Variants in AUTS2 observed in about 807,000 individuals in gnomAD.
The protein encoded by AUTS2 is activator of transcription and developmental regulator AUTS2.
AUTS2 carries 17 observed loss-of-function variants against 112.4 expected under a neutral mutation model. That is an observed-to-expected ratio of 0.15 (90% confidence interval 0.10 to 0.23). The LOEUF is 0.23. Ranked by LOEUF, AUTS2 falls within the 10% of genes least tolerant of loss-of-function variation. AUTS2 has a pLI of 1.00. For synonymous variants in AUTS2, 751 were observed against 702.7 expected (o/e 1.07, Z -1.09); for missense variants, 1,510 against 1,701.6 (o/e 0.89, Z 1.98).
At chr7:70,576,620 T>C (rs967483656) in intron 5 of AUTS2, among the ~76,000 whole-genome samples, 1 of 152,162 alleles carries the variant, frequency 6.6e-6, no homozygotes, top group Non-Finnish European at 1.5e-5. Context: ...AGGAAATGCC[T>C]TTCAAACTCA....
chr7:70,318,242 G>T (rs969644834), intron 4 of AUTS2, among the ~76,000 whole-genome samples: 5 of 152,072 alleles, frequency 3.3e-5, no homozygotes, highest in Non-Finnish European at 7.4e-5. Context: ...TAATTCATAG[G>T]TAGAGTGTAG....
At chr7:69,986,647 T>G (rs940713428) in intron 2 of AUTS2, among the ~76,000 whole-genome samples, 2 of 152,222 alleles carry the variant, frequency 1.3e-5, no homozygotes, top group African/African-American at 4.8e-5. Context: ...GAACTAAGTT[T>G]TCTGAGAGTA....
At chr7:69,871,517 T>G (rs1793495898) in intron 1 of AUTS2, among the ~76,000 whole-genome samples, 1 of 152,190 alleles carries the variant, frequency 6.6e-6, no homozygotes, top group Non-Finnish European at 1.5e-5. Context: ...GTAAGAGAGC[T>G]AACAACAATA....
At position 70,694,639 on chromosome 7, in the gene AUTS2, CG is replaced by C. The variant is rs893172772; in HGVS notation, c.691-3928del. 12 of 148,212 alleles carry C rather than the reference CG, an allele frequency of 8.1e-5. No homozygotes were observed. The highest frequency in any genetic ancestry group is 4.7e-4 in the Admixed American group (7 of 14,934). 9.2% of individuals were successfully genotyped at this position (148,212 alleles called of 1,614,324 possible). On this transcript the variant is annotated intron_variant, in intron 5 of 18. Coordinates refer to ENST00000342771, the MANE Select transcript of AUTS2 (RefSeq NM_015570.4). The surrounding 1 kb of genome is among the most constrained non-coding windows in gnomAD (Gnocchi z 4.1). The stretch of plus-strand genomic sequence containing the variant: ...TTCTCCGCCTCGCCCTCCCGCCGGC[CG>C]GCCCGGGACGCGCCTTGTTAGCCCC...
At chr7:69,888,540 G>GATATATAT (rs60804022) in intron 1 of AUTS2, among the ~76,000 whole-genome samples, 2,659 of 98,972 alleles carry the variant, frequency 0.027, 52 homozygotes, top group Admixed American at 0.032. Context: ...CAACATTGGG[G>GATATATAT]ATATATATAT....
intron 3 of AUTS2, chr7:70,119,898 G>A (rs1160222395): frequency 6.6e-6 from 1 of 152,122 alleles, no homozygotes; most frequent in African/African-American, 2.4e-5. Context: ...TAGAGTGCAA[G>A]ATGATTCATT....
intron 4 of AUTS2, among the ~76,000 whole-genome samples, chr7:70,156,775 C>T (rs895199258): frequency 1.3e-5 from 2 of 151,182 alleles, no homozygotes; most frequent in African/African-American, 4.9e-5. Context: ...CAAGGCCTGG[C>T]GTGGTGGCTC....
chr7:69,892,143 G>A (rs1794553641), intron 1 of AUTS2, among the ~76,000 whole-genome samples: 2 of 146,002 alleles, frequency 1.4e-5, no homozygotes, highest in South Asian at 4.5e-4. Context: ...TTAAAAAATT[G>A]GGTTGTTTCC....
intron 16 of AUTS2, chr7:70,785,389 G>C (rs937284563): frequency 2.0e-5 from 10 of 511,192 alleles, no homozygotes; most frequent in Non-Finnish European, 3.0e-5. Context: ...CCTCTAGGAA[G>C]CGGAAAGAAA....
intron 5 of AUTS2, among the ~76,000 whole-genome samples, chr7:70,472,462 T>G (rs1797428038): frequency 4.0e-5 from 6 of 151,876 alleles, no homozygotes; most frequent in Non-Finnish European, 8.8e-5. Context: ...CTCTACCCAG[T>G]TGCTGGGTAA....
At chr7:69,951,476 A>G (rs1797023955) in intron 2 of AUTS2, among the ~76,000 whole-genome samples, 1 of 152,158 alleles carries the variant, frequency 6.6e-6, no homozygotes, top group African/African-American at 2.4e-5. Context: ...ACCATGGAAA[A>G]CTGAGGGTGG....
intron 5 of AUTS2, among the ~76,000 whole-genome samples, chr7:70,601,059 T>C (rs2129529898): frequency 6.6e-6 from 1 of 152,346 alleles, no homozygotes; most frequent in African/African-American, 2.4e-5. Context: ...CTCAGTCATA[T>C]GTTAACTCTA....
At chr7:69,726,970 T>C (rs186984391) in intron 1 of AUTS2, among the ~76,000 whole-genome samples, 35 of 152,302 alleles carry the variant, frequency 2.3e-4, no homozygotes, top group African/African-American at 8.2e-4. Flanking sequence ...TTACTTGCCT[T>C]TTTAGTTCCT....
rs113411804 is a variant in AUTS2, at chr7:69,600,053, G to GCTGTCTGT, written c.309+118_309+125dup. The GCTGTCTGT allele has an allele frequency of 6.7e-3, 8,432 of 1,259,572 alleles. 106 individuals carry two copies. Among genetic ancestry groups the GCTGTCTGT allele is most frequent in the African/African-American group, 0.037 (2,387 of 64,516 alleles). The allele number at this position is 1,259,572 out of a possible 1,614,324, so 78.0% of individuals were successfully genotyped here. On this transcript the variant is annotated intron_variant, in intron 1 of 18. Coordinates refer to ENST00000342771, the MANE Select transcript of AUTS2 (RefSeq NM_015570.4). ...TCCTGCCTCCCTCGCCGCGCTCCGG[G>GCTGTCTGT]CTGTCTGTCTGTCTGTCTGTCTGTC... is the stretch of plus-strand genomic sequence containing the variant.
chr7:70,313,311 C>T (rs1033097234), intron 4 of AUTS2, among the ~76,000 whole-genome samples: 2 of 152,170 alleles, frequency 1.3e-5, no homozygotes, highest in African/African-American at 4.8e-5. Flanking sequence ...TTCATAAGTG[C>T]TCTGAAGCTA....
intron 2 of AUTS2, among the ~76,000 whole-genome samples, chr7:69,964,770 A>AT (rs887891314): frequency 5.3e-5 from 8 of 150,362 alleles, no homozygotes; most frequent in South Asian, 2.1e-4. Flanking sequence ...TGAAGACATG[A>AT]TTTTTTTTTG....
chr7:69,937,443 A>G (rs1166493622), intron 2 of AUTS2, among the ~76,000 whole-genome samples: 1 of 152,216 alleles, frequency 6.6e-6, no homozygotes, highest in Non-Finnish European at 1.5e-5. Context: ...GTAAGGAGAC[A>G]TGGCAGGGTC....
intron 1 of AUTS2, among the ~76,000 whole-genome samples, chr7:69,837,721 G>A (rs1298390321): frequency 2.0e-5 from 3 of 152,186 alleles, no homozygotes; most frequent in Non-Finnish European, 4.4e-5. Context: ...ACCACATGGT[G>A]TATTTTAAAA....
rs564625405 is a variant in AUTS2, at chr7:69,843,115, A to C, written c.310-56171A>C. Among the ~76,000 whole-genome samples the C allele has an allele frequency of 1.4e-4, 22 of 152,246 alleles. No homozygotes were observed. The South Asian group carries it at 4.4e-3, about 30-fold the overall frequency. The stretch of plus-strand genomic sequence containing the variant: ...TGACTCTGAGCTGTCTGGAAGTAAG[A>C]TAAAGTGATTCAAGGATAGGATCCA... On this transcript the variant is annotated intron_variant, in intron 1 of 18. Coordinates refer to ENST00000342771, the MANE Select transcript of AUTS2 (RefSeq NM_015570.4).
Sources: allele counts gnomAD v4.1 joint callset (sites outside exome capture counted in the v4.1 genomes callset), GRCh38; gene constraint gnomAD v4.1.1; non-coding constraint Gnocchi (gnomAD v3.1); transcripts MANE v1.5; gene names NCBI Gene and HGNC (gene_info 2026-07-23, HGNC 2026-07-21).